The following MKX variants were observed in gnomAD, a reference collection of about 807,000 sequenced individuals.
MKX encodes the protein mohawk homeobox, also known as homeobox protein Mohawk.
A neutral mutation model predicts 36.0 loss-of-function variants in MKX; 13 were observed. The ratio of observed to expected loss-of-function variants is 0.36; its 90% CI spans 0.24 to 0.57. The LOEUF (loss-of-function observed/expected upper bound fraction) is 0.57. MKX is among the 20% of genes least tolerant of loss of function. The pLI is 0.79. For missense variants in MKX, 458 were observed against 456.4 expected, an observed-to-expected ratio of 1.00 and a Z score of -0.03; for synonymous variants, 176 against 178.3, an observed-to-expected ratio of 0.99 and a Z score of 0.10.
At chr10:27,740,794 G>T (rs1241043684) in intron 3 of MKX, among the ~76,000 whole-genome samples, 3 of 152,136 alleles carry the variant, frequency 2.0e-5, no homozygotes, top group Admixed American at 6.5e-5. Flanking sequence ...AGTGTGTGTG[G>T]GGGGTTGTTG....
chr10:27,680,103 G>A (rs2637277), intron 5 of MKX, among the ~76,000 whole-genome samples: 104,492 of 151,944 alleles, frequency 0.69, 40,084 homozygotes, highest in Non-Finnish European at 0.89. Flanking sequence ...GTTGGAGCTA[G>A]CTCCTGGTAT....
At chr10:27,722,067 G>A (rs1564361193) in intron 5 of MKX, among the ~76,000 whole-genome samples, 2 of 152,126 alleles carry the variant, frequency 1.3e-5, no homozygotes, top group Non-Finnish European at 2.9e-5. Flanking sequence ...AAAAATGTCA[G>A]AAAATATACT....
intron 5 of MKX, among the ~76,000 whole-genome samples, chr10:27,713,924 C>T (rs540517113): frequency 6.6e-6 from 1 of 150,458 alleles, no homozygotes; most frequent in South Asian, 2.1e-4. Context: ...TGTGTTCTAG[C>T]CTCACTTTAC....
intron 5 of MKX, among the ~76,000 whole-genome samples, chr10:27,722,317 G>A (rs756738977): frequency 6.6e-6 from 1 of 152,156 alleles, no homozygotes; most frequent in African/African-American, 2.4e-5. Flanking sequence ...CAATGTCCCT[G>A]TCTTGTGGCT....
chr10:27,730,695 T>C (rs1298459483), intron 5 of MKX, among the ~76,000 whole-genome samples: 1 of 151,762 alleles, frequency 6.6e-6, no homozygotes, highest in East Asian at 2.0e-4. Flanking sequence ...TAATTTCAGG[T>C]GATCTGCCTG....
intron 5 of MKX, among the ~76,000 whole-genome samples, chr10:27,691,956 GA>G (rs755753999): frequency 3.1e-4 from 47 of 152,254 alleles, no homozygotes; most frequent in Non-Finnish European, 4.3e-4. Context: ...ATCCACTCTT[GA>G]TGGACATCTG....
intron 5 of MKX, among the ~76,000 whole-genome samples, chr10:27,704,215 T>C (rs1247829777): frequency 1.2e-4 from 19 of 152,224 alleles, no homozygotes; most frequent in Non-Finnish European, 4.4e-5. Flanking sequence ...TGAACAGACA[T>C]ACCAAGTGTT....
intron 5 of MKX, among the ~76,000 whole-genome samples, chr10:27,693,607 C>T (rs538670521): frequency 6.1e-4 from 92 of 152,038 alleles, no homozygotes; most frequent in Admixed American, 1.4e-3. Context: ...AATTTAAATG[C>T]CAAACGACCA....
intron 5 of MKX, among the ~76,000 whole-genome samples, chr10:27,703,803 G>A (rs571229915): frequency 1.3e-5 from 2 of 152,212 alleles, no homozygotes; most frequent in South Asian, 4.2e-4. Flanking sequence ...AGGAGGCTGA[G>A]GCAGGAGAAT....
At chr10:27,736,371 G>A (rs545403953) in intron 3 of MKX, among the ~76,000 whole-genome samples, 1 of 75,876 alleles carries the variant, frequency 1.3e-5, no homozygotes, top group African/African-American at 5.2e-5. Flanking sequence ...ACAAAGAAAA[G>A]CTACTTCCAT....
intron 5 of MKX, among the ~76,000 whole-genome samples, chr10:27,683,215 G>A (rs11015943): frequency 0.16 from 24,348 of 151,986 alleles, 2,978 homozygotes; most frequent in East Asian, 0.56. Context: ...GGATGGGGGG[G>A]CCCCTGTTTT....
chr10:27,741,532 T>G lies in MKX; in HGVS notation c.189-28A>C. The G allele has an allele frequency of 6.5e-7, 1 of 1,544,344 alleles. No individual in the cohort carries two copies. The highest frequency in any genetic ancestry group is 8.7e-7 in the Non-Finnish European group (1 of 1,152,114). On this transcript the variant is annotated intron_variant, in intron 2 of 6. Transcript: ENST00000419761. The surrounding 1 kb of genome is among the most constrained non-coding windows in gnomAD (Gnocchi z 5.1). ...GGGACATGGGGAGAGGAGGCGGCCC[T>G]GGTGAGCGACGCGTTTGCCCGCCCG...
chr10:27,741,010 A>G lies in MKX; in HGVS notation c.348+335T>C, dbSNP rs755016726. Among the ~76,000 whole-genome samples the G allele has an allele frequency of 2.0e-5, 3 of 152,192 alleles. No individual in the cohort carries two copies. Among genetic ancestry groups the G allele is most frequent in the Non-Finnish European group, 4.4e-5 (3 of 68,032 alleles). On this transcript the variant is annotated intron_variant, in intron 3 of 6. Coordinates refer to ENST00000419761, the MANE Select transcript of MKX (RefSeq NM_173576.3). This position sits in a 1 kb window ranked among gnomAD's most constrained non-coding sequence, Gnocchi z 5.1. The stretch of plus-strand genomic sequence containing the variant: ...GAGATGCAAATGATGGTCTCACCCC[A>G]GACCTGCTGAATCCGAAACTCGGAG...
At chr10:27,706,545 CTGTGTG>C (rs60800576) in intron 5 of MKX, among the ~76,000 whole-genome samples, 6,380 of 144,954 alleles carry the variant, frequency 0.044, 371 homozygotes, top group African/African-American at 0.13. Flanking sequence ...TCGTTAATTC[CTGTGTG>C]TGTGTGTGTG....
intron 5 of MKX, among the ~76,000 whole-genome samples, chr10:27,706,809 G>A (rs1246420474): frequency 6.6e-6 from 1 of 152,136 alleles, no homozygotes; most frequent in Admixed American, 6.6e-5. Flanking sequence ...GGGAAAAGAA[G>A]TATCTATATT....
intron 5 of MKX, among the ~76,000 whole-genome samples, chr10:27,707,637 C>T (rs540397959): frequency 6.6e-6 from 1 of 152,224 alleles, no homozygotes; most frequent in East Asian, 1.9e-4. Flanking sequence ...CCTGCGTCCA[C>T]ACTGCTGCAT....
chr10:27,679,346 T>G (rs766996939), intron 5 of MKX, among the ~76,000 whole-genome samples: 1 of 148,470 alleles, frequency 6.7e-6, no homozygotes, highest in African/African-American at 2.5e-5. Flanking sequence ...CAAAGCTCAA[T>G]CTCAAAGACT....
chr10:27,695,562 A>G (rs886434153), intron 5 of MKX, among the ~76,000 whole-genome samples: 16 of 152,354 alleles, frequency 1.1e-4, no homozygotes, highest in Non-Finnish European at 1.9e-4. Flanking sequence ...TAGGCAACTT[A>G]GTATATAGAC....
In MKX at chr10:27,735,504, C is replaced by T. The variant is rs1465142555; in HGVS notation, c.349-130G>A. The T allele has an allele frequency of 2.4e-5, 15 of 624,386 alleles. No individual in the cohort carries two copies. In the East Asian group the frequency reaches 3.4e-4, roughly 14 times the overall value. The allele number at this position is 624,386 out of a possible 1,614,324, so 38.7% of individuals were successfully genotyped here. On this transcript the variant is annotated intron_variant, in intron 3 of 6. Coordinates refer to ENST00000419761, the MANE Select transcript of MKX (RefSeq NM_173576.3). Reference sequence around the variant, plus strand: ...AAATATTCTCAGGACATAAGAATACCGGACATTCGCATCCATTCATTCATT... The same window carrying T: ...AAATATTCTCAGGACATAAGAATACTGGACATTCGCATCCATTCATTCATT...
Sources: gnomAD v4.1 joint callset for allele counts (sites outside exome capture counted in the v4.1 genomes callset) on GRCh38, gnomAD v4.1.1 for gene constraint, Gnocchi (gnomAD v3.1) non-coding constraint, MANE v1.5 for transcripts, NCBI Gene and HGNC (gene_info 2026-07-23, HGNC 2026-07-21) for gene names.